Variants in KCNT2 observed in about 807,000 individuals in gnomAD.
KCNT2 encodes the protein potassium sodium-activated channel subfamily T member 2.
KCNT2 carries 67 observed loss-of-function variants against 153.8 expected under a neutral mutation model. The ratio of observed to expected loss-of-function variants is 0.44; its 90% confidence interval spans 0.36 to 0.53. The LOEUF is 0.53. Among genes scored for constraint, KCNT2 ranks in the 20% least tolerant of loss-of-function variants. KCNT2 has a pLI of 0.00. For missense variants in KCNT2, 975 were observed against 1,354.8 expected (o/e 0.72, Z 4.40); for synonymous variants, 500 against 458.8 (o/e 1.09, Z -1.15).
chr1:196,601,218 C>G (rs914504574), intron 1 of KCNT2, among the ~76,000 whole-genome samples: 2 of 152,208 alleles, frequency 1.3e-5, no homozygotes, highest in Admixed American at 6.5e-5. Flanking sequence ...ATCCTTACAC[C>G]TCGATCTCAA....
At chr1:196,517,216 C>T (rs944039369) in intron 1 of KCNT2, among the ~76,000 whole-genome samples, 1 of 152,146 alleles carries the variant, frequency 6.6e-6, no homozygotes, top group South Asian at 2.1e-4. Context: ...CCCTACTGGG[C>T]AGGGTCACCT....
chr1:196,288,161 C>T (rs535236606), intron 22 of KCNT2, among the ~76,000 whole-genome samples: 97 of 110,350 alleles, frequency 8.8e-4, no homozygotes, highest in Admixed American at 3.3e-3. Flanking sequence ...AAAAATAAAA[C>T]GCTTGAGAGA....
chr1:196,568,780 C>CTTTTTTTTT (rs10566305), intron 1 of KCNT2, among the ~76,000 whole-genome samples: 1 of 145,062 alleles, frequency 6.9e-6, no homozygotes, highest in Non-Finnish European at 1.5e-5. Context: ...TAATAATGAG[C>CTTTTTTTTT]TTTTTTTTTT....
chr1:196,528,283 T>C (rs937049124), intron 1 of KCNT2, among the ~76,000 whole-genome samples: 7 of 152,208 alleles, frequency 4.6e-5, no homozygotes, highest in African/African-American at 1.7e-4. Context: ...ACTCTCAATA[T>C]TACAAATCTG....
intron 25 of KCNT2, among the ~76,000 whole-genome samples, chr1:196,274,232 A>G (rs908504867): frequency 6.6e-6 from 1 of 151,630 alleles, no homozygotes; most frequent in Non-Finnish European, 1.5e-5. Context: ...TTATTCTTCA[A>G]ATTTAAAGAA....
chr1:196,492,006 G>A (rs1679894449), intron 2 of KCNT2, among the ~76,000 whole-genome samples: 1 of 151,976 alleles, frequency 6.6e-6, no homozygotes, highest in Non-Finnish European at 1.5e-5. Flanking sequence ...CCACTCAGAA[G>A]TCTACTTATT....
At chr1:196,461,956 CTG>C (rs1677189605) in intron 8 of KCNT2, among the ~76,000 whole-genome samples, 1 of 151,664 alleles carries the variant, frequency 6.6e-6, no homozygotes, top group Non-Finnish European at 1.5e-5. Context: ...AATTTTAAGA[CTG>C]TAAGATTCCT....
chr1:196,533,145 A>G (rs992632362), intron 1 of KCNT2, among the ~76,000 whole-genome samples: 9 of 152,178 alleles, frequency 5.9e-5, no homozygotes, highest in Non-Finnish European at 1.3e-4. Flanking sequence ...TAAGAATATC[A>G]TAATTCAACA....
chr1:196,560,463 T>G (rs2148920635), intron 1 of KCNT2, among the ~76,000 whole-genome samples: 1 of 152,064 alleles, frequency 6.6e-6, no homozygotes, highest in Middle Eastern at 3.4e-3. Context: ...AAGTACATCG[T>G]CTTCTCTTTG....
chr1:196,602,669 T>C (rs1347908809), intron 1 of KCNT2, among the ~76,000 whole-genome samples: 1 of 151,964 alleles, frequency 6.6e-6, no homozygotes, highest in African/African-American at 2.4e-5. Flanking sequence ...TTATATAAAA[T>C]ATTGATGTCT....
intron 21 of KCNT2, among the ~76,000 whole-genome samples, chr1:196,307,496 T>G (rs906702212): frequency 6.6e-6 from 1 of 152,130 alleles, no homozygotes; most frequent in East Asian, 1.9e-4. Context: ...GTTGGTTTTA[T>G]TCATGCCTTA....
chr1:196,547,602 A>T (rs1657278991), intron 1 of KCNT2, among the ~76,000 whole-genome samples: 1 of 151,922 alleles, frequency 6.6e-6, no homozygotes. Context: ...TTTGTATGGG[A>T]TGATTTCATT....
intron 1 of KCNT2, among the ~76,000 whole-genome samples, chr1:196,564,051 A>C (rs1659769738): frequency 6.6e-6 from 1 of 151,928 alleles, no homozygotes; most frequent in Admixed American, 6.6e-5. Flanking sequence ...CCATATTAGA[A>C]AGAAAGAAGT....
intron 26 of KCNT2, among the ~76,000 whole-genome samples, chr1:196,236,616 G>T (rs991486722): frequency 3.3e-5 from 5 of 151,522 alleles, no homozygotes; most frequent in Admixed American, 6.6e-5. Context: ...AGAATGCAAA[G>T]AATCCTCTAG....
intron 14 of KCNT2, among the ~76,000 whole-genome samples, chr1:196,371,474 C>T (rs960716888): frequency 6.6e-6 from 1 of 151,862 alleles, no homozygotes; most frequent in Non-Finnish European, 1.5e-5. Context: ...GAATTGTACA[C>T]TTTAAATGGG....
intron 3 of KCNT2, among the ~76,000 whole-genome samples, chr1:196,488,225 T>A (rs547896839): frequency 3.3e-5 from 5 of 152,090 alleles, no homozygotes; most frequent in African/African-American, 1.2e-4. Flanking sequence ...TCAGAAGCTC[T>A]AATTAAATAA....
At chr1:196,478,124 G>A (rs1198859932) in intron 5 of KCNT2, among the ~76,000 whole-genome samples, 1 of 152,148 alleles carries the variant, frequency 6.6e-6, no homozygotes, top group African/African-American at 2.4e-5. Context: ...CTATTAGAAT[G>A]CTATGAATTT....
At chr1:196,446,414 A>C (rs1309937388) in intron 8 of KCNT2, among the ~76,000 whole-genome samples, 2 of 151,408 alleles carry the variant, frequency 1.3e-5, no homozygotes, top group Non-Finnish European at 3.0e-5. Flanking sequence ...GTATGGAGCA[A>C]GCTGTGGAAC....
At chr1:196,389,212 T>C (rs1182076509) in intron 13 of KCNT2, among the ~76,000 whole-genome samples, 1 of 151,808 alleles carries the variant, frequency 6.6e-6, no homozygotes, top group Non-Finnish European at 1.5e-5. Flanking sequence ...GTTCTTTCTG[T>C]ATATTACTGA....
Sources: gnomAD v4.1 joint callset for allele counts (sites outside exome capture counted in the v4.1 genomes callset) on GRCh38, gnomAD v4.1.1 for gene constraint, MANE v1.5 for transcripts, NCBI Gene and HGNC (gene_info 2026-07-23, HGNC 2026-07-21) for gene names.